The following RNLS variants were observed in gnomAD, a reference collection of about 807,000 sequenced individuals.
RNLS encodes the protein renalase, FAD dependent amine oxidase.
In RNLS, 39 loss-of-function variants were observed where a neutral mutation model predicts 39.8. The observed-to-expected ratio is 0.98, with a 90% CI of 0.76 to 1.28. RNLS has a LOEUF of 1.28. Among genes scored for constraint, RNLS ranks in the 50% most tolerant of loss-of-function variants. The probability of loss-of-function intolerance (pLI) is 0.00; values close to 1 mark genes in which losing one functional copy is unlikely to be tolerated. For missense variants in RNLS, 410 were observed against 413.3 expected, an observed-to-expected ratio of 0.99 and a Z score of 0.07; for synonymous variants, 147 against 150.7, an observed-to-expected ratio of 0.98 and a Z score of 0.18.
chr10:88,565,685 AAAG>A (rs1352774139), intron 4 of RNLS, among the ~76,000 whole-genome samples: 3 of 151,838 alleles, frequency 2.0e-5, no homozygotes, highest in East Asian at 3.8e-4. Context: ...AAAAAAAAGG[AAAG>A]AAGATCTATT....
At chr10:88,524,956 C>CACATATATATATATATAT (rs768939981) in intron 4 of RNLS, among the ~76,000 whole-genome samples, 3 of 76,290 alleles carry the variant, frequency 3.9e-5, no homozygotes, top group South Asian at 5.4e-4. Flanking sequence ...ATGGCACACA[C>CACATATATATATATATAT]ATACATATAT....
chr10:88,291,748 T>C (rs918293331), intron 6 of RNLS, among the ~76,000 whole-genome samples: 6 of 152,124 alleles, frequency 3.9e-5, no homozygotes, highest in Non-Finnish European at 7.4e-5. Context: ...GCTTGATGCA[T>C]TGCCTTTCTC....
intron 4 of RNLS, among the ~76,000 whole-genome samples, chr10:88,530,540 T>C (rs924120833): frequency 1.3e-5 from 2 of 152,196 alleles, no homozygotes; most frequent in African/African-American, 2.4e-5. Context: ...CATATGTATA[T>C]GCACCTCTTT....
At chr10:88,482,675 A>T (rs150457106) in intron 4 of RNLS, among the ~76,000 whole-genome samples, 7 of 152,136 alleles carry the variant, frequency 4.6e-5, no homozygotes, top group South Asian at 2.1e-4. Flanking sequence ...GGCAATTTCT[A>T]TGATAATTTT....
intron 4 of RNLS, among the ~76,000 whole-genome samples, chr10:88,477,723 C>A (rs1306814220): frequency 6.6e-6 from 1 of 152,196 alleles, no homozygotes; most frequent in Non-Finnish European, 1.5e-5. Context: ...TTTCCATGAC[C>A]TTCCTATGAG....
At chr10:88,382,158 G>A (rs1391867050) in intron 4 of RNLS, among the ~76,000 whole-genome samples, 1 of 152,026 alleles carries the variant, frequency 6.6e-6, no homozygotes. Flanking sequence ...ATGCCACGTT[G>A]TACTGTGACA....
chr10:88,182,421 T>C, the RNLS span, among the ~76,000 whole-genome samples: 1 of 152,168 alleles, frequency 6.6e-6, no homozygotes, highest in South Asian at 2.1e-4. Flanking sequence ...ACACTGATCA[T>C]ACTTTTTGCT....
Position 88,375,796 on chromosome 10 carries a change from A to C in RNLS, c.527-13071T>G, listed in dbSNP as rs1206019964. Among the ~76,000 whole-genome samples, 11 of 152,144 alleles carry C rather than the reference A, an allele frequency of 7.2e-5. 1 individual carries two copies. The highest frequency in any genetic ancestry group is 7.2e-4 in the Admixed American group (11 of 15,264). On this transcript the variant is annotated intron_variant, in intron 4 of 6. Transcript: ENST00000331772. ...AATTAAATTGCCATAAAACAGATTA[A>C]TAGGAGAAAACCATATTTAATAACA...
chr10:88,257,251 T>C, the RNLS span, among the ~76,000 whole-genome samples: 1 of 152,098 alleles, frequency 6.6e-6, no homozygotes, highest in Non-Finnish European at 1.5e-5. Flanking sequence ...AAAATTGATG[T>C]GATGTGAGTG....
At chr10:88,337,841 C>T (rs1482116978) in intron 5 of RNLS, among the ~76,000 whole-genome samples, 1 of 152,106 alleles carries the variant, frequency 6.6e-6, no homozygotes, top group African/African-American at 2.4e-5. Context: ...GCCTTTAGTA[C>T]TGTGTCTGGC....
chr10:88,491,413 C>A (rs2134065973), intron 4 of RNLS, among the ~76,000 whole-genome samples: 1 of 152,210 alleles, frequency 6.6e-6, no homozygotes, highest in African/African-American at 2.4e-5. Context: ...TAGGTGCATA[C>A]AAGGGAGCTT....
At chr10:88,187,449 G>C in the RNLS span, among the ~76,000 whole-genome samples, 1 of 151,956 alleles carries the variant, frequency 6.6e-6, no homozygotes, top group Non-Finnish European at 1.5e-5. Flanking sequence ...GCCCCTCATA[G>C]AATATCCATA....
chr10:88,479,777 T>C (rs1003070425), intron 4 of RNLS, among the ~76,000 whole-genome samples: 5 of 139,654 alleles, frequency 3.6e-5, no homozygotes, highest in Admixed American at 2.4e-4. Context: ...TTCTCTGGAC[T>C]TTCTTTTCTT....
chr10:88,559,662 C>T (rs12220831), intron 4 of RNLS, among the ~76,000 whole-genome samples: 1 of 151,070 alleles, frequency 6.6e-6, no homozygotes, highest in Non-Finnish European at 1.5e-5. Context: ...GATTGTTTCA[C>T]TCATTCATTC....
At chr10:88,490,650 C>A (rs1005200668) in intron 4 of RNLS, among the ~76,000 whole-genome samples, 5 of 152,148 alleles carry the variant, frequency 3.3e-5, no homozygotes, top group African/African-American at 1.2e-4. Flanking sequence ...AATGTGCATT[C>A]ATTCATTTTC....
At position 88,483,951 on chromosome 10, in the gene RNLS, T is replaced by C. The variant is rs539113874; in HGVS notation, c.526+88952A>G. On this transcript the variant is annotated intron_variant, in intron 4 of 6. Coordinates refer to ENST00000331772, the MANE Select transcript of RNLS (RefSeq NM_001031709.3). ...TATTGTATCACAGTATGTATTCACT[T>C]TATTTATTGTACCCAAGATAACATA... 4.6e-5 allele frequency among the ~76,000 whole-genome samples: 7 copies of C among 152,222 alleles called. No individual in the cohort carries two copies. In the East Asian group the frequency reaches 1.3e-3, roughly 29 times the overall value.
intron 4 of RNLS, among the ~76,000 whole-genome samples, chr10:88,370,526 T>C (rs1041076184): frequency 5.3e-5 from 8 of 152,300 alleles, no homozygotes; most frequent in Admixed American, 4.6e-4. Context: ...GGAAGCCAAT[T>C]TGTATTATAA....
chr10:88,516,752 T>A (rs1173271777), intron 4 of RNLS, among the ~76,000 whole-genome samples: 1 of 152,014 alleles, frequency 6.6e-6, no homozygotes, highest in African/African-American at 2.4e-5. Flanking sequence ...AAAGAAAAAT[T>A]AATTATTGGA....
intron 4 of RNLS, among the ~76,000 whole-genome samples, chr10:88,548,261 C>CAAAAAAAAA (rs869175046): frequency 3.1e-4 from 10 of 32,406 alleles, no homozygotes; most frequent in Non-Finnish European, 4.6e-4. Flanking sequence ...GACTCCGTCT[C>CAAAAAAAAA]AAAAAAAAAA....
Sources: gnomAD v4.1 joint callset for allele counts (sites outside exome capture counted in the v4.1 genomes callset) on GRCh38, gnomAD v4.1.1 for gene constraint, MANE v1.5 for transcripts, NCBI Gene and HGNC (gene_info 2026-07-23, HGNC 2026-07-21) for gene names.